The following TXLNB variants were observed in gnomAD, a reference collection of about 807,000 sequenced individuals.
The protein encoded by TXLNB is beta-taxilin.
Under a neutral mutation model 57.4 loss-of-function variants are expected in TXLNB, and 37 were observed. That is an observed-to-expected ratio of 0.64 (90% CI 0.50 to 0.85). The LOEUF (loss-of-function observed/expected upper bound fraction) is 0.85. Ranked by LOEUF, TXLNB falls within the 40% of genes least tolerant of loss-of-function variation. TXLNB has a pLI of 0.00. For missense variants in TXLNB, 848 were observed against 825.6 expected, an observed-to-expected ratio of 1.03 and a Z score of -0.33; for synonymous variants, 302 against 309.6, an observed-to-expected ratio of 0.98 and a Z score of 0.26.
rs1775977559 is a variant in TXLNB at position 139,242,833 on chromosome 6, C to A, written c.1748G>T (p.Gly583Val). The part of the protein sequence containing the change: ...PPSKASNSPA[G>V]LGAETQCEGL... ...CTCGCATTGGGTTTCTGCTCCCAAC[C>A]CGGCAGGAGAATTACTGGCCTTGGA... Residue 583 changes from glycine (G) to valine (V), a missense_variant, in exon 10 of 10, where the codon GGG becomes GTG. By Grantham distance (109) the Gly-to-Val change is moderately radical. Transcript: ENST00000358430. 6.2e-7 allele frequency: 1 copy of A among 1,614,056 alleles called. No homozygotes were observed. The highest frequency in any genetic ancestry group is 1.3e-5 in the African/African-American group (1 of 74,932).
the TXLNB span, among the ~76,000 whole-genome samples, chr6:139,315,990 A>G: frequency 6.6e-6 from 1 of 152,184 alleles, no homozygotes; most frequent in Non-Finnish European, 1.5e-5. Flanking sequence ...TGAAAACTAA[A>G]TTATATAATA....
chr6:139,177,871 A>G, the TXLNB span: 1 of 152,228 alleles, frequency 6.6e-6, no homozygotes, highest in Non-Finnish European at 1.5e-5. This position sits in a 1 kb window ranked among gnomAD's most constrained non-coding sequence, Gnocchi z 4.9. Context: ...GAACCCATGA[A>G]TAACCTGATT....
chr6:139,197,196 G>A, the TXLNB span, among the ~76,000 whole-genome samples: 2 of 151,918 alleles, frequency 1.3e-5, no homozygotes, highest in African/African-American at 4.8e-5. Context: ...TCTCAATTAG[G>A]TCTTTTCTGA....
chr6:139,264,543 T>TTTTTG (rs199910457), intron 4 of TXLNB, among the ~76,000 whole-genome samples: 16,616 of 150,596 alleles, frequency 0.11, 1,273 homozygotes, highest in African/African-American at 0.22. Context: ...ATATATATAT[T>TTTTTG]TTTTGTTTTG....
chr6:139,263,404 T>C (rs1776535920), intron 4 of TXLNB, among the ~76,000 whole-genome samples: 1 of 152,238 alleles, frequency 6.6e-6, no homozygotes, highest in Admixed American at 6.5e-5. Flanking sequence ...TATTTTGTTT[T>C]TGAAAGAACA....
chr6:139,299,879 T>C, the TXLNB span, among the ~76,000 whole-genome samples: 1 of 152,092 alleles, frequency 6.6e-6, no homozygotes, highest in African/African-American at 2.4e-5. Flanking sequence ...TAGTTAAGTC[T>C]CCAAAGATGA....
At chr6:139,269,780 G>A (rs144636002) in intron 4 of TXLNB, among the ~76,000 whole-genome samples, 248 of 152,294 alleles carry the variant, frequency 1.6e-3, no homozygotes, top group African/African-American at 5.7e-3. Flanking sequence ...TCATCTTGGA[G>A]AGCTCTGCAT....
At chr6:139,227,024 T>G in the TXLNB span, among the ~76,000 whole-genome samples, 1 of 147,114 alleles carries the variant, frequency 6.8e-6, no homozygotes, top group Non-Finnish European at 1.5e-5. Flanking sequence ...AAGACTCTGT[T>G]TCAAAACAAA....
intron 7 of TXLNB, among the ~76,000 whole-genome samples, chr6:139,253,034 A>G (rs78387806): frequency 1.6e-4 from 24 of 152,260 alleles, no homozygotes; most frequent in Admixed American, 3.3e-4. Flanking sequence ...TTTCCTTCTC[A>G]TATTTCCATA....
the TXLNB span, among the ~76,000 whole-genome samples, chr6:139,223,019 T>A: frequency 6.6e-6 from 1 of 152,188 alleles, no homozygotes; most frequent in African/African-American, 2.4e-5. Context: ...TATAGAACAC[T>A]GCCTGCACTC....
the TXLNB span, among the ~76,000 whole-genome samples, chr6:139,304,559 G>A: frequency 6.6e-6 from 1 of 152,176 alleles, no homozygotes; most frequent in Non-Finnish European, 1.5e-5. Flanking sequence ...GCTCATGTGA[G>A]CTGAAACAAG....
At chr6:139,257,477 G>A (rs75784813) in intron 6 of TXLNB, among the ~76,000 whole-genome samples, 2,398 of 152,248 alleles carry the variant, frequency 0.016, 62 homozygotes, top group African/African-American at 0.055. Context: ...AAAGGTTTGT[G>A]CAAAGAGCTG....
chr6:139,279,362 T>A (rs1417842494), intron 2 of TXLNB, among the ~76,000 whole-genome samples: 1 of 152,246 alleles, frequency 6.6e-6, no homozygotes, highest in Non-Finnish European at 1.5e-5. Context: ...TTATTTTGTA[T>A]AGAAGGTTAA....
the TXLNB span, among the ~76,000 whole-genome samples, chr6:139,164,048 TCA>T: frequency 3.5e-5 from 5 of 142,588 alleles, no homozygotes; most frequent in East Asian, 1.9e-4. Flanking sequence ...GCATGGACTC[TCA>T]CACACACACA....
At chr6:139,204,362 C>T in the TXLNB span, among the ~76,000 whole-genome samples, 1 of 152,120 alleles carries the variant, frequency 6.6e-6, no homozygotes, top group Non-Finnish European at 1.5e-5. Context: ...AGCCTAATGT[C>T]CTAATTGTTA....
At chr6:139,313,548 T>A in the TXLNB span, among the ~76,000 whole-genome samples, 423 of 152,282 alleles carry the variant, frequency 2.8e-3, 2 homozygotes, top group African/African-American at 8.8e-3. Flanking sequence ...ACCAGGAGTT[T>A]GGGGCAAAGA....
the TXLNB span, among the ~76,000 whole-genome samples, chr6:139,311,773 A>T: frequency 6.6e-6 from 1 of 152,146 alleles, no homozygotes; most frequent in African/African-American, 2.4e-5. Context: ...TGTCTTAGTC[A>T]GTTCCGGCAC....
intron 7 of TXLNB, among the ~76,000 whole-genome samples, chr6:139,250,974 A>C (rs1392277141): frequency 6.6e-6 from 1 of 152,228 alleles, no homozygotes; most frequent in African/African-American, 2.4e-5. Context: ...AAGGCTTTAA[A>C]AAAGAAAAAG....
chr6:139,216,511 ATATACC>A, the TXLNB span, among the ~76,000 whole-genome samples: 10 of 150,886 alleles, frequency 6.6e-5, no homozygotes, highest in South Asian at 2.1e-3. Context: ...GCATTAGGAG[ATATACC>A]TAATGCTAAA....
Sources: gnomAD v4.1 joint callset for allele counts (sites outside exome capture counted in the v4.1 genomes callset) on GRCh38, gnomAD v4.1.1 for gene constraint, Gnocchi (gnomAD v3.1) non-coding constraint, MANE v1.5 for transcripts, NCBI Gene and HGNC (gene_info 2026-07-23, HGNC 2026-07-21) for gene names.